MAML3: variants seen among roughly 807,000 people sequenced by gnomAD.
MAML3 encodes mastermind-like protein 3.
In MAML3, 27 loss-of-function variants were observed where a neutral mutation model predicts 101.9. That is an observed-to-expected ratio of 0.27 (90% confidence interval 0.20 to 0.37). The LOEUF (loss-of-function observed/expected upper bound fraction) is 0.37, where lower values mean the gene tolerates loss of function less well. Ranked by LOEUF, MAML3 falls within the 10% of genes least tolerant of loss-of-function variation. The pLI is 1.00. For synonymous variants in MAML3, 501 were observed against 555.9 expected (o/e 0.90, Z 1.39); for missense variants, 1,316 against 1,444.9 (o/e 0.91, Z 1.45).
intron 1 of MAML3, among the ~76,000 whole-genome samples, chr4:139,933,183 A>G (rs1733436302): frequency 2.0e-5 from 3 of 150,212 alleles, no homozygotes; most frequent in Admixed American, 1.3e-4. Flanking sequence ...GAAGGAAGGA[A>G]GAAAAGAAAG....
chr4:139,863,220 G>A (rs1731820151), intron 2 of MAML3, among the ~76,000 whole-genome samples: 2 of 151,294 alleles, frequency 1.3e-5, no homozygotes, highest in African/African-American at 4.9e-5. Flanking sequence ...GTTGATATAT[G>A]TGAAATGCTT....
chr4:139,733,513 C>T (rs981953319), intron 2 of MAML3, among the ~76,000 whole-genome samples: 15 of 149,702 alleles, frequency 1.0e-4, no homozygotes, highest in African/African-American at 2.0e-4. Context: ...ACTTTTTGCC[C>T]GTGTCTTCCT....
At chr4:140,060,743 A>G (rs1727433259) in intron 1 of MAML3, among the ~76,000 whole-genome samples, 2 of 152,216 alleles carry the variant, frequency 1.3e-5, no homozygotes, top group Non-Finnish European at 2.9e-5. Flanking sequence ...ATGCCCTCAA[A>G]TATTCTAGAA....
intron 2 of MAML3, among the ~76,000 whole-genome samples, chr4:139,780,422 A>C (rs1304647483): frequency 1.3e-5 from 2 of 152,188 alleles, no homozygotes; most frequent in African/African-American, 4.8e-5. Flanking sequence ...GACACAGTTC[A>C]AACAACCTCA....
chr4:139,919,622 G>A (rs1481868734), intron 1 of MAML3, among the ~76,000 whole-genome samples: 2 of 152,190 alleles, frequency 1.3e-5, no homozygotes, highest in Admixed American at 1.3e-4. Context: ...GACTGAGGGA[G>A]GCGAACAGCA....
chr4:139,790,700 C>T (rs1031180521), intron 2 of MAML3, among the ~76,000 whole-genome samples: 1 of 152,152 alleles, frequency 6.6e-6, no homozygotes, highest in African/African-American at 2.4e-5. Context: ...CAAGGTTCAT[C>T]CATGTTGTAG....
chr4:140,038,504 C>T (rs923842339), intron 1 of MAML3, among the ~76,000 whole-genome samples: 1 of 152,186 alleles, frequency 6.6e-6, no homozygotes, highest in African/African-American at 2.4e-5. Context: ...CTTCCTAGGG[C>T]CAAACATGAT....
At chr4:140,111,361 A>C (rs1728435545) in intron 1 of MAML3, among the ~76,000 whole-genome samples, 1 of 152,242 alleles carries the variant, frequency 6.6e-6, no homozygotes, top group Non-Finnish European at 1.5e-5. Context: ...ACTAATGGAA[A>C]AATTCAATAG....
At chr4:140,141,151 T>C (rs1728973570) in intron 1 of MAML3, among the ~76,000 whole-genome samples, 2 of 152,124 alleles carry the variant, frequency 1.3e-5, no homozygotes, top group African/African-American at 4.8e-5. Context: ...ATATAGACGA[T>C]AATTATTATT....
intron 1 of MAML3, among the ~76,000 whole-genome samples, chr4:140,041,222 GAATGAGA>G (rs1727080684): frequency 6.6e-6 from 1 of 152,066 alleles, no homozygotes; most frequent in Non-Finnish European, 1.5e-5. Flanking sequence ...GCATCAACTT[GAATGAGA>G]ATGGTTATAT....
rs774677403 is a variant in MAML3 at position 139,890,414 on chromosome 4, A to C, written c.1022T>G (p.Phe341Cys). 1.2e-6 allele frequency: 2 copies of C among 1,605,490 alleles called. No individual in the cohort carries two copies. Among genetic ancestry groups the C allele is most frequent in the Non-Finnish European group, 1.7e-6 (2 of 1,173,896 alleles). The stretch of plus-strand genomic sequence containing the variant: ...AGGGGTCTCAGTTGCTGGCTGCGAG[A>C]ATTCTGGCTCCTTCTTCTCTTCAAA... ...EDFEEKKEPEFSQPATETPLS... is the reference protein window; with the variant it reads ...EDFEEKKEPECSQPATETPLS... Residue 341 changes from phenylalanine (F) to cysteine (C), a missense_variant, in exon 2 of 5, where the codon TTC (phenylalanine) becomes TGC (cysteine). Transcript: ENST00000509479. The surrounding 1 kb of genome is among the most constrained non-coding windows in gnomAD (Gnocchi z 4.1).
chr4:139,872,029 A>C (rs568492173), intron 2 of MAML3, among the ~76,000 whole-genome samples: 7 of 152,244 alleles, frequency 4.6e-5, no homozygotes, highest in African/African-American at 1.2e-4. Context: ...AGTGAACAGC[A>C]GGCACTAATT....
Position 140,064,566 on chromosome 4 carries a change from G to A in MAML3, c.468+88294C>T, listed in dbSNP as rs189954637. On this transcript the variant is annotated intron_variant, in intron 1 of 4. Coordinates refer to ENST00000509479, the MANE Select transcript of MAML3 (RefSeq NM_018717.5). Reference sequence around the variant, plus strand: ...AACGAGTTTTTTGGGCTGATTCCTCGATGAAAGGTAAAAGGTAACCATCCA... The same window carrying A: ...AACGAGTTTTTTGGGCTGATTCCTCAATGAAAGGTAAAAGGTAACCATCCA... Among the ~76,000 whole-genome samples, 193 of 152,268 alleles carry A rather than the reference G, an allele frequency of 1.3e-3. 1 individual carries two copies. The highest frequency in any genetic ancestry group is 4.3e-3 in the African/African-American group (179 of 41,544).
chr4:139,933,202 G>A (rs546033966), intron 1 of MAML3, among the ~76,000 whole-genome samples: 5 of 151,838 alleles, frequency 3.3e-5, no homozygotes, highest in African/African-American at 4.8e-5. Context: ...AGGGACACAC[G>A]CATAGCCACA....
intron 1 of MAML3, among the ~76,000 whole-genome samples, chr4:140,083,655 A>T (rs1727898870): frequency 6.6e-6 from 1 of 152,140 alleles, no homozygotes; most frequent in African/African-American, 2.4e-5. Context: ...AACTCCAGTT[A>T]TTCTTTAGTT....
intron 1 of MAML3, among the ~76,000 whole-genome samples, chr4:140,083,967 CAGAGAGAGAGAGAG>C (rs72201205): frequency 0.041 from 3,352 of 81,138 alleles, 51 homozygotes; most frequent in Middle Eastern, 0.058. Flanking sequence ...CACACACACA[CAGAGAGAGAGAGAG>C]AGAGAGAGAG....
In MAML3 at chr4:139,875,560, A is replaced by G. The variant is rs1452138877; in HGVS notation, c.2079+13797T>C. ...CCCTAGAAAACAAGCCCAGCGCACC[A>G]GCCACTCTCATTGACATGTTAATAG... On this transcript the variant is annotated intron_variant, in intron 2 of 4. Transcript: ENST00000509479. Among the ~76,000 whole-genome samples the G allele has an allele frequency of 2.6e-5, 4 of 152,128 alleles. No homozygotes were observed. The East Asian group carries it at 5.8e-4, about 22-fold the overall frequency.
At chr4:139,832,933 T>C (rs1233058463) in intron 2 of MAML3, among the ~76,000 whole-genome samples, 1 of 152,238 alleles carries the variant, frequency 6.6e-6, no homozygotes, top group Non-Finnish European at 1.5e-5. Flanking sequence ...ATCTCCTTTA[T>C]TTCTAGTTAA....
At chr4:140,084,162 C>T (rs1400272085) in intron 1 of MAML3, among the ~76,000 whole-genome samples, 4 of 152,162 alleles carry the variant, frequency 2.6e-5, no homozygotes, top group Non-Finnish European at 5.9e-5. Flanking sequence ...TTACTATTAT[C>T]TGATAATATG....
Sources: gnomAD v4.1 joint callset for allele counts (sites outside exome capture counted in the v4.1 genomes callset) on GRCh38, gnomAD v4.1.1 for gene constraint, Gnocchi (gnomAD v3.1) non-coding constraint, MANE v1.5 for transcripts, NCBI Gene and HGNC (gene_info 2026-07-23, HGNC 2026-07-21) for gene names.